The following COA8 variants were observed in gnomAD, a reference collection of about 807,000 sequenced individuals.
COA8 encodes cytochrome c oxidase assembly factor 8, also known as UPF0671 protein C14orf153.
Under a neutral mutation model 22.0 loss-of-function variants are expected in COA8, and 20 were observed. The observed-to-expected ratio is 0.91, with a 90% CI of 0.64 to 1.32. The LOEUF (loss-of-function observed/expected upper bound fraction) is 1.32. COA8 is among the 40% of genes most tolerant of loss of function. The pLI, the probability that COA8 is intolerant of heterozygous loss-of-function variation, is 0.00. For synonymous variants in COA8, 105 were observed against 79.9 expected, an observed-to-expected ratio of 1.31 and a Z score of -1.68; for missense variants, 266 against 230.0, an observed-to-expected ratio of 1.16 and a Z score of -1.01.
In COA8 at chr14:103,572,861, C is replaced by T. The variant is rs147883882; in HGVS notation, c.321+1041C>T. Among the ~76,000 whole-genome samples, 980 of 151,844 alleles carry T rather than the reference C, an allele frequency of 6.5e-3. 12 individuals are homozygous for T. Among genetic ancestry groups the T allele is most frequent in the African/African-American group, 0.022 (928 of 41,394 alleles). On this transcript the variant is annotated intron_variant, in intron 2 of 4. Transcript: ENST00000409074. ...GCAGTGGTGCGATCTCAGCTTACTGCACCCTCCACCTCCCAGGTTCAGGTG... is the reference window on the plus strand; with the variant it reads ...GCAGTGGTGCGATCTCAGCTTACTGTACCCTCCACCTCCCAGGTTCAGGTG...
Position 103,587,361 on chromosome 14 carries a change from A to C in COA8, c.473A>C (p.Asn158Thr). ...SKNFQKHMYYNRDWYKRNFAI... is the reference protein window; with the variant it reads ...SKNFQKHMYYTRDWYKRNFAI... ...AATTTTCAGAAGCACATGTATTATAACAGGTAGGTGTTTACTCTTTTCCTG... is the reference window on the plus strand; with the variant it reads ...AATTTTCAGAAGCACATGTATTATACCAGGTAGGTGTTTACTCTTTTCCTG... The change falls in exon 4 of 5, where the codon AAC becomes ACC. Residue 158 changes from asparagine to threonine, a missense_variant. Asn to Thr is a moderately conservative substitution (Grantham distance 65). Coordinates refer to ENST00000409074, the MANE Select transcript of COA8 (RefSeq NM_001370595.2). 6.2e-7 allele frequency: 1 copy of C among 1,609,418 alleles called. No homozygotes were observed. The highest frequency in any genetic ancestry group is 1.1e-5 in the South Asian group (1 of 90,774).
chr14:103,581,478 C>T lies in COA8; in HGVS notation c.386-5796C>T. 1 of 394,284 alleles carries T rather than the reference C, an allele frequency of 2.5e-6. No homozygotes were observed. The highest frequency in any genetic ancestry group is 4.5e-6 in the Non-Finnish European group (1 of 223,896). The allele number at this position is 394,284 out of a possible 1,614,324, so 24.4% of individuals were successfully genotyped here. On this transcript the variant is annotated intron_variant, in intron 3 of 4. Transcript: ENST00000409074. This position sits in a 1 kb window ranked among gnomAD's most constrained non-coding sequence, Gnocchi z 4.1. Reference sequence around the variant, plus strand: ...CCTCCTGGGCTGGTCGGAGTAGGACCTTGGGAGGTTTCATCACGCTACTCA... The same window carrying T: ...CCTCCTGGGCTGGTCGGAGTAGGACTTTGGGAGGTTTCATCACGCTACTCA...
chr14:103,590,279 G>C lies in COA8; in HGVS notation c.575G>C (p.Ser192Thr). 6.2e-7 allele frequency: 1 copy of C among 1,613,766 alleles called. No individual in the cohort carries two copies. Among genetic ancestry groups the C allele is most frequent in the Non-Finnish European group, 8.5e-7 (1 of 1,179,728 alleles). Residue 192 changes from serine to threonine, a missense_variant, in exon 5 of 5, where the codon AGC (serine) becomes ACC (threonine). Transcript: ENST00000409074. ...NKLKQKQKKRSN is the reference protein window; with the variant it reads ...NKLKQKQKKRTN ...CTTAAACAGAAACAAAAGAAGAGGA[G>C]CAACTAGGAGTCCACTCTGACCCAG... is the stretch of plus-strand genomic sequence containing the variant.
Position 103,579,254 on chromosome 14 carries a change from C to T in COA8, c.385+5084C>T, listed in dbSNP as rs142229627. The T allele has an allele frequency of 3.7e-3, 616 of 168,454 alleles. 6 individuals are homozygous for T. The highest frequency in any genetic ancestry group is 0.014 in the African/African-American group (579 of 41,680). The allele number at this position is 168,454 out of a possible 1,614,324, so 10.4% of individuals were successfully genotyped here. The stretch of plus-strand genomic sequence containing the variant: ...TATGTACACTAGGTTTTTCCCTACA[C>T]GGTTGTCCCTCCCCTATGTCCTCAG... On this transcript the variant is annotated intron_variant, in intron 3 of 4. Coordinates refer to ENST00000409074, the MANE Select transcript of COA8 (RefSeq NM_001370595.2).
intron 3 of COA8, among the ~76,000 whole-genome samples, chr14:103,576,902 G>A (rs1220365761): frequency 6.6e-6 from 1 of 152,190 alleles, no homozygotes; most frequent in African/African-American, 2.4e-5. Flanking sequence ...GTAGGCGCAG[G>A]GATCAGTGTC....
chr14:103,574,996 C>T (rs140899637), intron 3 of COA8, among the ~76,000 whole-genome samples: 168 of 152,352 alleles, frequency 1.1e-3, no homozygotes, highest in African/African-American at 3.5e-3. Flanking sequence ...GAGGCTTCAC[C>T]AGAATTGCAC....
intron 3 of COA8, among the ~76,000 whole-genome samples, chr14:103,578,044 AAAAG>A (rs2076241816): frequency 1.3e-5 from 2 of 150,820 alleles, no homozygotes; most frequent in African/African-American, 4.9e-5. Flanking sequence ...AAAAAAAAAA[AAAAG>A]CCAAGTTTGG....
chr14:103,574,461 C>A, intron 3 of COA8: 2 of 575,942 alleles, frequency 3.5e-6, no homozygotes, highest in Non-Finnish European at 6.5e-6. Context: ...CAGCTTCTCC[C>A]TCCAAAGCAG....
chr14:103,571,564 C>T (rs1306300945), intron 1 of COA8, 59 bp from the exon 2 acceptor site: 5 of 1,449,168 alleles, frequency 3.5e-6, no homozygotes, highest in South Asian at 1.2e-5. Context: ...CCAGATTGTA[C>T]ATTTTATAAT....
intron 3 of COA8, among the ~76,000 whole-genome samples, chr14:103,575,686 TTAA>T (rs1379428106): frequency 6.6e-6 from 1 of 152,166 alleles, no homozygotes; most frequent in Non-Finnish European, 1.5e-5. Flanking sequence ...GGTCAAAATG[TTAA>T]TTATTATTAA....
At position 103,563,030 on chromosome 14, in the gene COA8, C is replaced by A. The variant is rs755080050; in HGVS notation, c.29C>A (p.Thr10Asn). The A allele has an allele frequency of 6.4e-7, 1 of 1,551,392 alleles. No individual in the cohort carries two copies. Among genetic ancestry groups the A allele is most frequent in the South Asian group, 1.2e-5 (1 of 85,734 alleles). The change falls in exon 1 of 5, where the codon ACC becomes AAC. Residue 10 changes from threonine to asparagine, a missense_variant. Coordinates refer to ENST00000409074, the MANE Select transcript of COA8 (RefSeq NM_001370595.2). ...GTGGTCTTGCGGGCGGGGAAGAAGA[C>A]CTTTCTCCCCCCTCTCTGCCGCGCC... is the stretch of plus-strand genomic sequence containing the variant. MVVLRAGKK[T>N]FLPPLCRAFA...
At chr14:103,576,425 T>A (rs2076231106) in intron 3 of COA8, among the ~76,000 whole-genome samples, 1 of 152,184 alleles carries the variant, frequency 6.6e-6, no homozygotes, top group South Asian at 2.1e-4. Context: ...AATGATACCG[T>A]CCTGAGCTTG....
intron 3 of COA8, among the ~76,000 whole-genome samples, chr14:103,577,960 G>A (rs2076240958): frequency 7.0e-6 from 1 of 143,838 alleles, no homozygotes; most frequent in Non-Finnish European, 1.5e-5. Context: ...GGAGGCGGAA[G>A]TTGCACTGAA....
At chr14:103,563,467 TGTG>T (rs1470661587) in intron 1 of COA8, 1 of 350,506 alleles carries the variant, frequency 2.9e-6, no homozygotes, top group Non-Finnish European at 5.5e-6. Flanking sequence ...TTTTTTTCGT[TGTG>T]TGTGTGTGTG....
At chr14:103,568,621 G>GTATATATATA (rs57741003) in intron 1 of COA8, among the ~76,000 whole-genome samples, 83 of 141,864 alleles carry the variant, frequency 5.9e-4, no homozygotes, top group Middle Eastern at 3.6e-3. Flanking sequence ...ATGTGTGTGT[G>GTATATATATA]TATATATATA....
chr14:103,590,502 G>T lies in COA8; in HGVS notation c.*216G>T. The stretch of plus-strand genomic sequence containing the variant: ...AGGCCAGCTTGTTGTCACGTACGTG[G>T]TGTGAAATAAAGCCCAAGCACTGGG... On this transcript the variant is annotated 3_prime_UTR_variant, in exon 5 of 5. Transcript: ENST00000409074. 4.0e-6 allele frequency: 2 copies of T among 494,176 alleles called. No homozygotes were observed. Among genetic ancestry groups the T allele is most frequent in the Non-Finnish European group, 7.2e-6 (2 of 278,152 alleles). 30.6% of individuals were successfully genotyped at this position (494,176 alleles called of 1,614,324 possible).
At chr14:103,563,253 C>A in intron 1 of COA8, 129 bp downstream of exon 1, 1 of 1,242,942 alleles carries the variant, frequency 8.0e-7, no homozygotes, top group Non-Finnish European at 1.1e-6. Context: ...CGCGTCCTAT[C>A]CCGAACAGTC....
intron 3 of COA8, among the ~76,000 whole-genome samples, chr14:103,583,887 C>T (rs1053778511): frequency 2.6e-5 from 4 of 152,212 alleles, no homozygotes; most frequent in Admixed American, 2.6e-4. Context: ...TGGATCACAA[C>T]ATTCAGAAAG....
At chr14:103,572,806 C>T (rs372686562) in intron 2 of COA8, among the ~76,000 whole-genome samples, 5 of 149,354 alleles carry the variant, frequency 3.3e-5, no homozygotes, top group African/African-American at 7.4e-5. Context: ...TTTTTTGAGA[C>T]GGAGTCTCGC....
Sources: allele counts gnomAD v4.1 joint callset (sites outside exome capture counted in the v4.1 genomes callset), GRCh38; gene constraint gnomAD v4.1.1; non-coding constraint Gnocchi (gnomAD v3.1); transcripts MANE v1.5; gene names NCBI Gene and HGNC (gene_info 2026-07-23, HGNC 2026-07-21).